EVL: variants seen among roughly 807,000 people sequenced by gnomAD.
EVL encodes the protein ena/VASP-like protein.
A neutral mutation model predicts 59.6 loss-of-function variants in EVL; 21 were observed. The ratio of observed to expected loss-of-function variants is 0.35; its 90% CI spans 0.25 to 0.51. The LOEUF is 0.51. EVL is among the 20% of genes least tolerant of loss of function. The pLI is 0.97. For synonymous variants in EVL, 198 were observed against 203.5 expected, an observed-to-expected ratio of 0.97 and a Z score of 0.23; for missense variants, 462 against 546.6, an observed-to-expected ratio of 0.85 and a Z score of 1.54.
At chr14:100,000,072 C>T (rs1450097288) in intron 1 of EVL, among the ~76,000 whole-genome samples, 2 of 152,136 alleles carry the variant, frequency 1.3e-5, no homozygotes, top group African/African-American at 4.8e-5. Flanking sequence ...GAAGTGTGAA[C>T]CCCGAATATC....
intron 1 of EVL, among the ~76,000 whole-genome samples, chr14:100,053,340 A>G (rs1293208443): frequency 6.6e-6 from 1 of 151,950 alleles, no homozygotes; most frequent in African/African-American, 2.4e-5. Flanking sequence ...GTTGGTTGGA[A>G]AACTATAGGT....
At chr14:100,094,752 A>G (rs888054565) in intron 2 of EVL, among the ~76,000 whole-genome samples, 2 of 144,704 alleles carry the variant, frequency 1.4e-5, no homozygotes, top group African/African-American at 5.2e-5. Context: ...TTAAAAAACC[A>G]TACTACGGGC....
chr14:100,030,547 T>TCTA lies in EVL; in HGVS notation c.6-54140_6-54139insCTA, dbSNP rs532079184. On this transcript the variant is annotated intron_variant, in intron 1 of 13. Transcript: ENST00000402714. The stretch of plus-strand genomic sequence containing the variant: ...AGGCTGATACATTCTCCAGCTAGAG[T>TCTA]ACTTCTAGTCTTCCCCTCTCCCTGA... Among the ~76,000 whole-genome samples, 422 of 152,272 alleles carry TCTA rather than the reference T, an allele frequency of 2.8e-3. 2 individuals are homozygous for TCTA. The highest frequency in any genetic ancestry group is 9.7e-3 in the African/African-American group (403 of 41,550).
At chr14:100,076,147 G>A (rs1477089154) in intron 1 of EVL, among the ~76,000 whole-genome samples, 1 of 152,228 alleles carries the variant, frequency 6.6e-6, no homozygotes, top group Non-Finnish European at 1.5e-5. Context: ...TACTTGAGGA[G>A]TAGCAGAAAA....
intron 1 of EVL, among the ~76,000 whole-genome samples, chr14:99,992,739 A>G (rs891767147): frequency 6.6e-6 from 1 of 152,222 alleles, no homozygotes; most frequent in African/African-American, 2.4e-5. Flanking sequence ...TTGACCATAC[A>G]TGCAAATGGA....
chr14:100,068,373 C>A (rs898101703), intron 1 of EVL, among the ~76,000 whole-genome samples: 1 of 152,190 alleles, frequency 6.6e-6, no homozygotes, highest in Non-Finnish European at 1.5e-5. Flanking sequence ...AACGGCAAAG[C>A]CTGCGAGCTG....
chr14:100,141,297 CG>C, intron 12 of EVL, 51 bp downstream of exon 12: 4 of 1,596,572 alleles, frequency 2.5e-6, no homozygotes, highest in Non-Finnish European at 8.6e-7. Flanking sequence ...AGCCAGCAGG[CG>C]GGGGACCGTC....
chr14:99,979,683 T>C (rs745889039), intron 1 of EVL, among the ~76,000 whole-genome samples: 36 of 151,958 alleles, frequency 2.4e-4, no homozygotes, highest in South Asian at 4.2e-4. Flanking sequence ...TCCTGGCTAA[T>C]ATGGTGAAAC....
At chr14:100,065,254 C>T (rs980861424), upstream of EVL, 5 of 244,596 alleles carry the variant, frequency 2.0e-5, no homozygotes, top group Middle Eastern at 1.1e-3. Flanking sequence ...GCCTCTCAGC[C>T]GCCCACGCTG....
chr14:100,069,434 G>A (rs2062003285), intron 1 of EVL, among the ~76,000 whole-genome samples: 1 of 152,222 alleles, frequency 6.6e-6, no homozygotes, highest in African/African-American at 2.4e-5. Flanking sequence ...ACGCCTTTGT[G>A]TGAGGGTTTG....
intron 2 of EVL, chr14:100,085,066 G>T: frequency 2.0e-6 from 1 of 509,578 alleles, no homozygotes. Flanking sequence ...TTTTACCTAT[G>T]TCATATGGAG....
intron 2 of EVL, among the ~76,000 whole-genome samples, chr14:100,087,769 C>CT (rs2062478122): frequency 6.6e-6 from 1 of 151,940 alleles, no homozygotes; most frequent in South Asian, 2.1e-4. Context: ...TGCAGTCCTG[C>CT]TCTGCTCTGC....
intron 1 of EVL, among the ~76,000 whole-genome samples, chr14:100,079,920 G>T (rs532155980): frequency 6.6e-6 from 1 of 152,212 alleles, no homozygotes; most frequent in African/African-American, 2.4e-5. Context: ...TGAGTAGCTG[G>T]GACTACAGGC....
chr14:100,091,313 T>C (rs2062559394), intron 2 of EVL, among the ~76,000 whole-genome samples: 1 of 152,218 alleles, frequency 6.6e-6, no homozygotes, highest in South Asian at 2.1e-4. Flanking sequence ...CAGAATGGGT[T>C]CCGCCCCATA....
chr14:100,100,015 A>C (rs1325939591), intron 3 of EVL, among the ~76,000 whole-genome samples: 3 of 151,296 alleles, frequency 2.0e-5, no homozygotes, highest in Non-Finnish European at 1.5e-5. Flanking sequence ...AAAAAAAAAA[A>C]AAAAAACACT....
In EVL at chr14:100,128,744, A is replaced by G. The variant is rs752083896; in HGVS notation, c.713A>G (p.Gln238Arg). The change falls in exon 6 of 14, where the codon CAA becomes CGA. Residue 238 changes from glutamine (Q) to arginine (R), a missense_variant. Coordinates refer to ENST00000392920, the MANE Select transcript of EVL (RefSeq NM_016337.3). ...AIAGAKLRRV[Q>R]RPEDASGGSS... Reference sequence around the variant, plus strand: ...GCTGGGGCCAAGCTGAGAAGAGTCCAACGGGTAAGAGCTCCTGTGTGCGGG... The same window carrying G: ...GCTGGGGCCAAGCTGAGAAGAGTCCGACGGGTAAGAGCTCCTGTGTGCGGG... 1 of 1,603,982 alleles carries G rather than the reference A, an allele frequency of 6.2e-7. No homozygotes were observed. Among genetic ancestry groups the G allele is most frequent in the Non-Finnish European group, 8.5e-7 (1 of 1,179,696 alleles).
chr14:100,032,870 C>T (rs931978879), intron 1 of EVL, among the ~76,000 whole-genome samples: 1 of 152,122 alleles, frequency 6.6e-6, no homozygotes, highest in Non-Finnish European at 1.5e-5. Context: ...AGGCATCTGT[C>T]ACAGTTGAGC....
chr14:100,012,785 A>G (rs2061025063), intron 1 of EVL, among the ~76,000 whole-genome samples: 2 of 152,196 alleles, frequency 1.3e-5, no homozygotes, highest in Admixed American at 6.5e-5. Flanking sequence ...GCTCTGTTTC[A>G]TTAGTAATCT....
intron 1 of EVL, among the ~76,000 whole-genome samples, chr14:100,070,700 G>A (rs950531335): frequency 7.2e-5 from 11 of 152,176 alleles, no homozygotes; most frequent in African/African-American, 1.7e-4. Context: ...GGGCAGAGCC[G>A]GGGTCTTCAT....
Sources: gnomAD v4.1 joint callset for allele counts (sites outside exome capture counted in the v4.1 genomes callset) on GRCh38, gnomAD v4.1.1 for gene constraint, MANE v1.5 for transcripts, NCBI Gene and HGNC (gene_info 2026-07-23, HGNC 2026-07-21) for gene names.